ARMC2: variants seen among roughly 807,000 people sequenced by gnomAD.
ARMC2 encodes armadillo repeat-containing protein 2.
ARMC2 carries 67 observed loss-of-function variants against 90.3 expected under a neutral mutation model. That is an observed-to-expected ratio of 0.74 (90% CI 0.61 to 0.91). ARMC2 has a LOEUF of 0.91. Among genes scored for constraint, ARMC2 ranks in the 40% least tolerant of loss-of-function variants. The pLI, the probability that ARMC2 is intolerant of heterozygous loss-of-function variation, is 0.00. For missense variants in ARMC2, 920 were observed against 1,030.9 expected, an observed-to-expected ratio of 0.89 and a Z score of 1.47; for synonymous variants, 393 against 393.0, an observed-to-expected ratio of 1.00 and a Z score of 0.00.
intron 1 of ARMC2, among the ~76,000 whole-genome samples, chr6:108,850,316 C>T (rs2128411251): frequency 6.6e-6 from 1 of 151,826 alleles, no homozygotes; most frequent in East Asian, 1.9e-4. Flanking sequence ...AAATCAGCTT[C>T]TCCTCCTGTT....
the ARMC2 span, among the ~76,000 whole-genome samples, chr6:109,042,817 C>A: frequency 1.3e-5 from 2 of 151,862 alleles, no homozygotes; most frequent in African/African-American, 4.8e-5. Flanking sequence ...TAATATTTTC[C>A]AGAAAACAAG....
intron 10 of ARMC2, among the ~76,000 whole-genome samples, chr6:108,915,397 C>T (rs1773849547): frequency 1.3e-5 from 2 of 152,132 alleles, no homozygotes; most frequent in Admixed American, 1.3e-4. Flanking sequence ...CATCTAGTGG[C>T]GTGACTGCTT....
intron 3 of ARMC2, among the ~76,000 whole-genome samples, chr6:108,862,802 C>T (rs1019737658): frequency 3.3e-5 from 5 of 152,158 alleles, no homozygotes; most frequent in Non-Finnish European, 5.9e-5. Context: ...GGATCTAGGA[C>T]ACTTTTCAGA....
chr6:108,987,296 T>C, the ARMC2 span: 39 of 413,580 alleles, frequency 9.4e-5, no homozygotes, highest in South Asian at 1.6e-3. Context: ...CACAGCATCT[T>C]GTACTGTCAA....
At chr6:108,904,536 G>A in intron 8 of ARMC2, 131 bp downstream of exon 8, 1 of 832,490 alleles carries the variant, frequency 1.2e-6, no homozygotes, top group Non-Finnish European at 1.7e-6. Flanking sequence ...AAAAATTAAG[G>A]TAATAAACTG....
the ARMC2 span, among the ~76,000 whole-genome samples, chr6:108,997,000 G>C: frequency 1.5e-4 from 22 of 147,632 alleles, no homozygotes; most frequent in Non-Finnish European, 1.4e-4. Flanking sequence ...ACTATGGAGA[G>C]AGTAAAGAAA....
the ARMC2 span, among the ~76,000 whole-genome samples, chr6:109,038,929 A>G: frequency 6.9e-5 from 10 of 145,800 alleles, no homozygotes; most frequent in Non-Finnish European, 1.3e-4. Context: ...GGAGGAGGAG[A>G]AGAAAAGAGA....
At chr6:108,931,825 A>G (rs1031950482) in intron 11 of ARMC2, among the ~76,000 whole-genome samples, 3 of 151,106 alleles carry the variant, frequency 2.0e-5, no homozygotes, top group Non-Finnish European at 2.9e-5. Flanking sequence ...GTGCAATGGC[A>G]TGATCTCGGC....
the ARMC2 span, among the ~76,000 whole-genome samples, chr6:109,048,813 A>G: frequency 5.9e-5 from 9 of 152,192 alleles, no homozygotes; most frequent in Non-Finnish European, 1.0e-4. Context: ...ATCACAATTT[A>G]TTCTATGTGT....
chr6:108,925,659 C>T (rs1358666002), intron 10 of ARMC2, among the ~76,000 whole-genome samples: 2 of 152,126 alleles, frequency 1.3e-5, no homozygotes, highest in African/African-American at 4.8e-5. Flanking sequence ...CTTGGAGTAA[C>T]AGAAAGCAGA....
At chr6:108,949,809 C>T (rs563292462) in intron 12 of ARMC2, among the ~76,000 whole-genome samples, 21 of 152,256 alleles carry the variant, frequency 1.4e-4, no homozygotes, top group African/African-American at 5.1e-4. Context: ...CATAAATATC[C>T]CATAGCTTCT....
At chr6:108,999,316 CCTTA>C in the ARMC2 span, among the ~76,000 whole-genome samples, 50 of 151,994 alleles carry the variant, frequency 3.3e-4, no homozygotes, top group African/African-American at 1.0e-3. Context: ...TATAATTTTT[CCTTA>C]CTTGACAATA....
chr6:109,001,449 A>T, the ARMC2 span: 1 of 1,613,856 alleles, frequency 6.2e-7, no homozygotes, highest in Non-Finnish European at 8.5e-7. Context: ...TCTGCAAATA[A>T]AGCATGCATC....
intron 5 of ARMC2, 96 bp from the exon 6 acceptor site, chr6:108,894,371 A>G: frequency 9.2e-7 from 1 of 1,082,838 alleles, no homozygotes; most frequent in South Asian, 1.6e-5. Flanking sequence ...CTATCTCAAA[A>G]TAATAAATAA....
rs777661405 is a variant in ARMC2, at chr6:108,854,407, C to T, written c.140C>T (p.Thr47Ile). ...ACAGTTAGAACCCAAAGACCATTTA[C>T]ACCACAGGAGGCTCAAAGAAAACTA... ...LRTVRTQRPF[T>I]PQEAQRKLFG... is the part of the protein sequence containing the mutation. The change falls in exon 2 of 18, where the codon ACA becomes ATA. Residue 47 changes from threonine (T) to isoleucine (I), a missense_variant. Coordinates refer to ENST00000392644, the MANE Select transcript of ARMC2 (RefSeq NM_032131.6). 3 of 1,613,400 alleles carry T rather than the reference C, an allele frequency of 1.9e-6. No individual in the cohort carries two copies. Among genetic ancestry groups the T allele is most frequent in the South Asian group, 1.1e-5 (1 of 91,072 alleles).
chr6:108,994,166 GA>G, the ARMC2 span, among the ~76,000 whole-genome samples: 1 of 137,732 alleles, frequency 7.3e-6, no homozygotes, highest in Non-Finnish European at 1.6e-5. Flanking sequence ...AAAAAAAAGA[GA>G]AAAAAGAGGG....
chr6:108,967,189 T>A (rs1193495871), intron 17 of ARMC2, among the ~76,000 whole-genome samples: 1 of 152,206 alleles, frequency 6.6e-6, no homozygotes, highest in East Asian at 1.9e-4. Flanking sequence ...GCCCTCCCTG[T>A]GTCTGTCTGT....
intron 8 of ARMC2, among the ~76,000 whole-genome samples, chr6:108,908,280 C>G (rs1030972950): frequency 5.9e-5 from 9 of 152,132 alleles, no homozygotes; most frequent in Admixed American, 6.5e-5. Context: ...TGTAAGTGGC[C>G]TAGTGCAGGA....
intron 6 of ARMC2, among the ~76,000 whole-genome samples, chr6:108,895,744 T>C (rs986891344): frequency 2.6e-5 from 4 of 152,146 alleles, no homozygotes; most frequent in Non-Finnish European, 4.4e-5. Context: ...CAAAGACATA[T>C]ATTGTTTATG....
Sources: allele counts gnomAD v4.1 joint callset (sites outside exome capture counted in the v4.1 genomes callset), GRCh38; gene constraint gnomAD v4.1.1; transcripts MANE v1.5; gene names NCBI Gene and HGNC (gene_info 2026-07-23, HGNC 2026-07-21).